The following CCDC171 variants were observed in gnomAD, a reference collection of about 807,000 sequenced individuals.
The protein encoded by CCDC171 is coiled-coil domain containing 171, also known as coiled-coil domain-containing protein 171.
CCDC171 carries 177 observed loss-of-function variants against 168.2 expected under a neutral mutation model. The ratio of observed to expected loss-of-function variants is 1.05; its 90% CI spans 0.93 to 1.19. The LOEUF is 1.19. Ranked by LOEUF, CCDC171 falls within the 50% of genes most tolerant of loss-of-function variation. The pLI is 0.00. For synonymous variants in CCDC171, 687 were observed against 540.8 expected, an observed-to-expected ratio of 1.27 and a Z score of -3.75; for missense variants, 1,991 against 1,539.0, an observed-to-expected ratio of 1.29 and a Z score of -4.91.
intron 21 of CCDC171, among the ~76,000 whole-genome samples, chr9:15,804,027 C>T (rs950536711): frequency 2.0e-5 from 3 of 152,002 alleles, no homozygotes; most frequent in South Asian, 4.1e-4. Context: ...TGATTTGGCT[C>T]TCTACTTGCC....
chr9:15,700,724 A>G (rs1268225489), intron 11 of CCDC171, among the ~76,000 whole-genome samples: 1 of 152,020 alleles, frequency 6.6e-6, no homozygotes, highest in Non-Finnish European at 1.5e-5. Context: ...GGTCTCAAGC[A>G]GTCCTCCCAC....
chr9:16,097,033 G>T, the CCDC171 span, among the ~76,000 whole-genome samples: 12 of 152,314 alleles, frequency 7.9e-5, no homozygotes, highest in African/African-American at 2.9e-4. Context: ...GTTCATGAGG[G>T]TGATGAAGGG....
chr9:16,032,311 C>G (rs1833376743), intron 6 of CCDC171, among the ~76,000 whole-genome samples: 2 of 152,122 alleles, frequency 1.3e-5, no homozygotes, highest in Non-Finnish European at 2.9e-5. Flanking sequence ...TGAAAATAAC[C>G]TGACACCTGA....
At chr9:15,590,548 C>T (rs539101070) in intron 4 of CCDC171, among the ~76,000 whole-genome samples, 10 of 152,058 alleles carry the variant, frequency 6.6e-5, no homozygotes, top group Non-Finnish European at 1.3e-4. Context: ...TTGAGGTAAT[C>T]GGGTAGGAGG....
intron 3 of CCDC171, among the ~76,000 whole-genome samples, chr9:15,993,140 A>G (rs1351521625): frequency 6.6e-6 from 1 of 151,932 alleles, no homozygotes; most frequent in Non-Finnish European, 1.5e-5. Flanking sequence ...TTGCCAAATC[A>G]ATCCTAAGCC....
chr9:15,934,078 A>T (rs991038304), intron 25 of CCDC171, among the ~76,000 whole-genome samples: 34 of 152,010 alleles, frequency 2.2e-4, no homozygotes, highest in Admixed American at 2.0e-3. Context: ...CAACAACAAA[A>T]AGACAATCTA....
At chr9:15,885,307 C>T (rs997471230) in intron 24 of CCDC171, among the ~76,000 whole-genome samples, 2 of 152,154 alleles carry the variant, frequency 1.3e-5, no homozygotes, top group African/African-American at 4.8e-5. Context: ...AAGCTGCTGA[C>T]ATGATGTGAA....
At chr9:15,921,125 AT>A (rs910821983) in intron 25 of CCDC171, among the ~76,000 whole-genome samples, 1 of 151,580 alleles carries the variant, frequency 6.6e-6, no homozygotes, top group Non-Finnish European at 1.5e-5. Context: ...TGTCTTTTTA[AT>A]TTTTTTTGGT....
rs541191494 is a variant in CCDC171 at position 15,626,851 on chromosome 9, C to G, written c.822+3438C>G. Among the ~76,000 whole-genome samples, 3 of 152,252 alleles carry G rather than the reference C, an allele frequency of 2.0e-5. No individual in the cohort carries two copies. In the South Asian group the frequency reaches 6.2e-4, roughly 32 times the overall value. ...CTCATAAAATGACTTAGGGAGAGTTCCCTCTTTTTCTAATGATTGAAATAG... is the reference window on the plus strand; with the variant it reads ...CTCATAAAATGACTTAGGGAGAGTTGCCTCTTTTTCTAATGATTGAAATAG... On this transcript the variant is annotated intron_variant, in intron 7 of 25. Coordinates refer to ENST00000380701, the MANE Select transcript of CCDC171 (RefSeq NM_173550.4).
intron 3 of CCDC171, among the ~76,000 whole-genome samples, chr9:15,573,572 G>A (rs866449602): frequency 6.6e-5 from 10 of 152,132 alleles, no homozygotes; most frequent in African/African-American, 2.2e-4. Context: ...GTGAGCCACT[G>A]TGCCCCGCCC....
the CCDC171 span, among the ~76,000 whole-genome samples, chr9:16,087,626 C>A: frequency 7.1e-6 from 1 of 140,854 alleles, no homozygotes; most frequent in Non-Finnish European, 1.5e-5. Flanking sequence ...TTATTTTGAG[C>A]CAATGTGTAT....
chr9:15,787,322 A>G (rs2058016913), intron 21 of CCDC171, among the ~76,000 whole-genome samples: 1 of 152,020 alleles, frequency 6.6e-6, no homozygotes, highest in Admixed American at 6.6e-5. Flanking sequence ...ACCAAAATTT[A>G]TTCTTTCTGT....
intron 21 of CCDC171, among the ~76,000 whole-genome samples, chr9:15,795,738 C>T (rs1270371423): frequency 2.0e-5 from 3 of 152,246 alleles, no homozygotes; most frequent in Non-Finnish European, 4.4e-5. Context: ...GAGAAAATCT[C>T]TGCCTAGCAG....
intron 6 of CCDC171, among the ~76,000 whole-genome samples, chr9:15,622,237 A>G (rs2044568228): frequency 6.6e-6 from 1 of 152,166 alleles, no homozygotes; most frequent in African/African-American, 2.4e-5. Context: ...CTGTGACATG[A>G]GTTTACCTAT....
chr9:16,092,677 C>G, the CCDC171 span, among the ~76,000 whole-genome samples: 1 of 152,240 alleles, frequency 6.6e-6, no homozygotes, highest in South Asian at 2.1e-4. Flanking sequence ...TCACTGGGCT[C>G]TGCTCTGAGG....
At chr9:16,008,823 A>G (rs1239607702) in intron 3 of CCDC171, among the ~76,000 whole-genome samples, 1 of 152,192 alleles carries the variant, frequency 6.6e-6, no homozygotes, top group Non-Finnish European at 1.5e-5. Context: ...GCTATTAATT[A>G]TCGCTGCCCT....
chr9:16,105,291 A>T, the CCDC171 span, among the ~76,000 whole-genome samples: 1 of 152,212 alleles, frequency 6.6e-6, no homozygotes, highest in Non-Finnish European at 1.5e-5. Context: ...GGAAGAAGGC[A>T]TCCCTAACAA....
intron 11 of CCDC171, among the ~76,000 whole-genome samples, chr9:15,705,653 T>C (rs115330272): frequency 3.3e-5 from 5 of 152,234 alleles, no homozygotes; most frequent in Non-Finnish European, 7.3e-5. Flanking sequence ...TTGGGCTCAC[T>C]GTGTCTCTCC....
At chr9:15,707,756 C>T (rs1262861055) in intron 11 of CCDC171, among the ~76,000 whole-genome samples, 1 of 152,176 alleles carries the variant, frequency 6.6e-6, no homozygotes, top group Non-Finnish European at 1.5e-5. Flanking sequence ...TGTGTTTCAT[C>T]TTGTTATCCT....
Sources: gnomAD v4.1 joint callset for allele counts (sites outside exome capture counted in the v4.1 genomes callset) on GRCh38, gnomAD v4.1.1 for gene constraint, MANE v1.5 for transcripts, NCBI Gene and HGNC (gene_info 2026-07-23, HGNC 2026-07-21) for gene names.